The following TEAD1 variants were observed in gnomAD, a reference collection of about 807,000 sequenced individuals.
TEAD1 encodes TEA domain transcription factor 1, also known as transcriptional enhancer factor TEF-1.
In TEAD1, 9 loss-of-function variants were observed where a neutral mutation model predicts 54.9. The observed-to-expected ratio is 0.16, with a 90% CI of 0.10 to 0.29. TEAD1 has a LOEUF of 0.29. TEAD1 is among the 10% of genes least tolerant of loss of function. TEAD1 has a pLI of 1.00. For missense variants in TEAD1, 387 were observed against 535.9 expected, an observed-to-expected ratio of 0.72 and a Z score of 2.74; for synonymous variants, 200 against 187.8, an observed-to-expected ratio of 1.07 and a Z score of -0.53.
chr11:12,880,920 T>C (rs1947953400), intron 6 of TEAD1, 85 bp from the exon 7 acceptor site: 3 of 1,463,932 alleles, frequency 2.0e-6, no homozygotes, highest in Non-Finnish European at 2.9e-6. Context: ...TGCTGTCTTT[T>C]AGCAGGGGTT....
chr11:12,763,364 C>T (rs74386601), intron 2 of TEAD1, among the ~76,000 whole-genome samples: 6,643 of 152,274 alleles, frequency 0.044, 475 homozygotes, highest in African/African-American at 0.15. Context: ...AATATTTCCA[C>T]AGGTGTGCTA....
chr11:12,936,832 A>G (rs1335527287), intron 12 of TEAD1, among the ~76,000 whole-genome samples: 2 of 152,230 alleles, frequency 1.3e-5, no homozygotes, highest in Admixed American at 6.5e-5. Context: ...CTAAAAAACA[A>G]AAACACAAAT....
intron 3 of TEAD1, among the ~76,000 whole-genome samples, chr11:12,829,396 C>T (rs915659006): frequency 2.0e-5 from 3 of 152,208 alleles, no homozygotes; most frequent in Non-Finnish European, 4.4e-5. Flanking sequence ...ATCCCATGCT[C>T]ACCCAGGACC....
intron 3 of TEAD1, among the ~76,000 whole-genome samples, chr11:12,837,460 A>G (rs925220686): frequency 6.6e-6 from 1 of 152,188 alleles, no homozygotes; most frequent in Non-Finnish European, 1.5e-5. Flanking sequence ...TAGGGCTGCC[A>G]TAATAGAATA....
At chr11:12,846,827 T>G (rs938257121) in intron 3 of TEAD1, among the ~76,000 whole-genome samples, 1 of 152,232 alleles carries the variant, frequency 6.6e-6, no homozygotes, top group African/African-American at 2.4e-5. Context: ...GAGCTAATTT[T>G]GAAGTAAGAA....
At chr11:12,924,087 T>G (rs1237588785) in intron 10 of TEAD1, among the ~76,000 whole-genome samples, 2 of 152,162 alleles carry the variant, frequency 1.3e-5, no homozygotes, top group African/African-American at 4.8e-5. Context: ...CCATAACCTG[T>G]GCCCAAGTTG....
chr11:12,754,849 C>T (rs1326279599), intron 2 of TEAD1, among the ~76,000 whole-genome samples: 1 of 152,170 alleles, frequency 6.6e-6, no homozygotes, highest in Non-Finnish European at 1.5e-5. Context: ...CTCTCCCCAA[C>T]CCCCAGAATG....
intron 2 of TEAD1, among the ~76,000 whole-genome samples, chr11:12,758,713 C>CA (rs1473259438): frequency 1.3e-5 from 2 of 151,802 alleles, no homozygotes; most frequent in African/African-American, 4.8e-5. Context: ...CCTACCTGGC[C>CA]ATTTTTTTAA....
intron 2 of TEAD1, among the ~76,000 whole-genome samples, chr11:12,721,167 T>G (rs1451236439): frequency 6.6e-6 from 1 of 152,182 alleles, no homozygotes; most frequent in Non-Finnish European, 1.5e-5. Context: ...TCCCATGCAG[T>G]GTAGTTGTGA....
At chr11:12,850,252 G>A (rs1049598151) in intron 3 of TEAD1, among the ~76,000 whole-genome samples, 1 of 152,128 alleles carries the variant, frequency 6.6e-6, no homozygotes, top group Non-Finnish European at 1.5e-5. Context: ...CATGACCAGC[G>A]TGGGGAAACT....
chr11:12,734,622 G>C (rs1464735898), intron 2 of TEAD1, among the ~76,000 whole-genome samples: 2 of 152,210 alleles, frequency 1.3e-5, no homozygotes, highest in East Asian at 3.9e-4. Context: ...TATTTTTACT[G>C]TACCTTTTCT....
In TEAD1 at chr11:12,867,167, G is replaced by T. The variant is rs1564969559; in HGVS notation, c.330+2267G>T. Among the ~76,000 whole-genome samples, 3 of 152,164 alleles carry T rather than the reference G, an allele frequency of 2.0e-5. No individual in the cohort carries two copies. The East Asian group carries it at 5.8e-4, about 29-fold the overall frequency. ...GTGGTGAAGCCAGGATTTGAACTCA[G>T]ATCTTTTTGCACCCTAAACGAATCA... is the stretch of plus-strand genomic sequence containing the variant. On this transcript the variant is annotated intron_variant, in intron 5 of 12. Coordinates refer to ENST00000527636, the MANE Select transcript of TEAD1 (RefSeq NM_021961.6).
chr11:12,915,420 A>G (rs1250414562), intron 10 of TEAD1, among the ~76,000 whole-genome samples: 2 of 152,328 alleles, frequency 1.3e-5, no homozygotes, highest in Middle Eastern at 3.4e-3. Flanking sequence ...CCCGCCTCCA[A>G]GGACTTCAGA....
intron 2 of TEAD1, among the ~76,000 whole-genome samples, chr11:12,760,422 G>A (rs1355362595): frequency 1.3e-5 from 2 of 152,184 alleles, no homozygotes; most frequent in East Asian, 1.9e-4. Context: ...ATGGCTTAAG[G>A]GCGAGTAGGT....
chr11:12,842,079 A>G (rs539952218), intron 3 of TEAD1, among the ~76,000 whole-genome samples: 209 of 152,302 alleles, frequency 1.4e-3, no homozygotes, highest in Non-Finnish European at 1.6e-3. Flanking sequence ...AACAAAACAA[A>G]ACAAAACAAA....
chr11:12,794,018 G>A (rs1356740235), intron 3 of TEAD1, among the ~76,000 whole-genome samples: 1 of 152,214 alleles, frequency 6.6e-6, no homozygotes, highest in Non-Finnish European at 1.5e-5. Context: ...GTAAAATGGC[G>A]ATGATCTTTG....
At chr11:12,798,292 C>T (rs1440812266) in intron 3 of TEAD1, among the ~76,000 whole-genome samples, 2 of 152,194 alleles carry the variant, frequency 1.3e-5, no homozygotes, top group African/African-American at 4.8e-5. Context: ...CTGACCACTC[C>T]ATCTTGCCTT....
At chr11:12,787,763 T>C (rs993709043) in intron 3 of TEAD1, among the ~76,000 whole-genome samples, 1 of 152,216 alleles carries the variant, frequency 6.6e-6, no homozygotes, top group Non-Finnish European at 1.5e-5. Flanking sequence ...TTCATAAATT[T>C]ATGTACTTAA....
At position 12,819,489 on chromosome 11, in the gene TEAD1, A is replaced by G. The variant is rs1020141682; in HGVS notation, c.203-42761A>G. Among the ~76,000 whole-genome samples, 4 of 151,988 alleles carry G rather than the reference A, an allele frequency of 2.6e-5. No individual in the cohort carries two copies. The South Asian group carries it at 8.3e-4, about 32-fold the overall frequency. On this transcript the variant is annotated intron_variant, in intron 3 of 12. Coordinates refer to ENST00000527636, the MANE Select transcript of TEAD1 (RefSeq NM_021961.6). Reference sequence around the variant, plus strand: ...TTTTGAGATGGAGTCTCGCTCTGTCACCCAGGCTGGAGTGTAGTGGCGCGA... The same window carrying G: ...TTTTGAGATGGAGTCTCGCTCTGTCGCCCAGGCTGGAGTGTAGTGGCGCGA...
Sources: allele counts gnomAD v4.1 joint callset (sites outside exome capture counted in the v4.1 genomes callset), GRCh38; gene constraint gnomAD v4.1.1; transcripts MANE v1.5; gene names NCBI Gene and HGNC (gene_info 2026-07-23, HGNC 2026-07-21).